Variants in DLGAP2 observed in about 807,000 individuals in gnomAD.
The protein encoded by DLGAP2 is disks large-associated protein 2.
A neutral mutation model predicts 100.3 loss-of-function variants in DLGAP2; 26 were observed. That is an observed-to-expected ratio of 0.26 (90% CI 0.19 to 0.36). The LOEUF (loss-of-function observed/expected upper bound fraction) is 0.36, where lower values mean the gene tolerates loss of function less well. DLGAP2 is among the 10% of genes least tolerant of loss of function. The probability of loss-of-function intolerance (pLI) is 1.00; values close to 1 mark genes in which losing one functional copy is unlikely to be tolerated. For missense variants in DLGAP2, 1,858 were observed against 1,453.2 expected, an observed-to-expected ratio of 1.28 and a Z score of -4.53; for synonymous variants, 886 against 630.1, an observed-to-expected ratio of 1.41 and a Z score of -6.08.
chr8:1,430,011 T>TATAC (rs1554467362), intron 3 of DLGAP2, among the ~76,000 whole-genome samples: 2 of 63,964 alleles, frequency 3.1e-5, no homozygotes, highest in African/African-American at 1.1e-4. Flanking sequence ...TATATACATA[T>TATAC]ATATATATAT....
At chr8:1,167,635 A>T (rs541626581) in intron 2 of DLGAP2, among the ~76,000 whole-genome samples, 1 of 152,302 alleles carries the variant, frequency 6.6e-6, no homozygotes, top group Admixed American at 6.5e-5. Context: ...CCTTGTTTTA[A>T]TGTTTGTGAA....
chr8:1,614,271 C>T (rs534121818), intron 6 of DLGAP2, among the ~76,000 whole-genome samples: 1 of 152,344 alleles, frequency 6.6e-6, no homozygotes, highest in South Asian at 2.1e-4. Flanking sequence ...TGAGCATTTG[C>T]AGTCAGGCAA....
chr8:913,510 C>A (rs1798531333), intron 2 of DLGAP2, among the ~76,000 whole-genome samples: 1 of 152,188 alleles, frequency 6.6e-6, no homozygotes. Context: ...TGTCACACCT[C>A]TGTGGCATAG....
intron 12 of DLGAP2, among the ~76,000 whole-genome samples, chr8:1,683,954 G>GTGTATATATATATATATATATA (rs1450063590): frequency 2.7e-5 from 2 of 74,752 alleles, no homozygotes; most frequent in Admixed American, 3.5e-4. Flanking sequence ...ATATATGTGT[G>GTGTATATATATATATATATATA]TATATATATA....
At chr8:1,454,769 G>C (rs1301739478) in intron 3 of DLGAP2, among the ~76,000 whole-genome samples, 2 of 152,190 alleles carry the variant, frequency 1.3e-5, no homozygotes, top group African/African-American at 4.8e-5. Context: ...GAACAGGCAG[G>C]TAGAAAAGGA....
At chr8:1,197,874 C>A (rs36078781) in intron 2 of DLGAP2, among the ~76,000 whole-genome samples, 16,510 of 152,216 alleles carry the variant, frequency 0.11, 998 homozygotes, top group Admixed American at 0.18. Context: ...TCTCCTGGGC[C>A]CCCTGCAGTG....
intron 2 of DLGAP2, among the ~76,000 whole-genome samples, chr8:946,309 G>C (rs1799319273): frequency 1.3e-5 from 2 of 151,188 alleles, no homozygotes; most frequent in Admixed American, 1.3e-4. Flanking sequence ...TGTCATCCAG[G>C]CTGGAGTGCA....
At chr8:1,579,806 A>G (rs554732910) in intron 6 of DLGAP2, among the ~76,000 whole-genome samples, 1 of 152,204 alleles carries the variant, frequency 6.6e-6, no homozygotes, top group African/African-American at 2.4e-5. Context: ...GACACGGTAC[A>G]TTGCCTAAGT....
intron 2 of DLGAP2, among the ~76,000 whole-genome samples, chr8:965,681 A>G (rs540890975): frequency 7.6e-6 from 1 of 131,968 alleles, no homozygotes; most frequent in Non-Finnish European, 1.6e-5. Context: ...TGCACACGGC[A>G]CTGTTCACCT....
intron 3 of DLGAP2, among the ~76,000 whole-genome samples, chr8:1,416,987 G>C (rs1796904981): frequency 6.6e-6 from 1 of 151,824 alleles, no homozygotes; most frequent in South Asian, 2.1e-4. Flanking sequence ...TTGAGACTCA[G>C]AGTCCAGGGC....
chr8:1,093,129 G>T (rs1217219021), intron 2 of DLGAP2, among the ~76,000 whole-genome samples: 1 of 152,198 alleles, frequency 6.6e-6, no homozygotes, highest in Non-Finnish European at 1.5e-5. Context: ...ACAGCCTCCA[G>T]CAGACTGGGT....
chr8:908,962 G>A (rs532890509), intron 2 of DLGAP2, among the ~76,000 whole-genome samples: 38 of 150,588 alleles, frequency 2.5e-4, no homozygotes, highest in Admixed American at 1.7e-3. Context: ...TCACCACTAA[G>A]AATGATGGTA....
Position 1,636,979 on chromosome 8 carries a change from C to T in DLGAP2, c.1810+3933C>T, listed in dbSNP as rs556702901. 2.0e-5 allele frequency among the ~76,000 whole-genome samples: 3 copies of T among 152,326 alleles called. No homozygotes were observed. The South Asian group carries it at 6.2e-4, about 32-fold the overall frequency. On this transcript the variant is annotated intron_variant, in intron 8 of 14. Coordinates refer to ENST00000637795, the MANE Select transcript of DLGAP2 (RefSeq NM_001346810.2). ...GACACACAGGCACCACTTGGTAAAC[C>T]CGGCCGATGGCTGCCGAGTGCGCAG...
intron 3 of DLGAP2, among the ~76,000 whole-genome samples, chr8:1,392,105 G>A (rs757392768): frequency 1.8e-4 from 27 of 152,352 alleles, no homozygotes; most frequent in Non-Finnish European, 3.1e-4. Flanking sequence ...ATGAAGAACT[G>A]TTTGAATTGC....
chr8:1,306,672 TG>T (rs1298475455), intron 3 of DLGAP2, among the ~76,000 whole-genome samples: 1 of 80,828 alleles, frequency 1.2e-5, no homozygotes, highest in Non-Finnish European at 2.3e-5. Context: ...CAAAATAGTG[TG>T]GTTAAGTGCT....
intron 3 of DLGAP2, among the ~76,000 whole-genome samples, chr8:1,471,977 A>T (rs1798813930): frequency 6.6e-6 from 1 of 152,240 alleles, no homozygotes; most frequent in Non-Finnish European, 1.5e-5. Flanking sequence ...CCTTCATTAA[A>T]TAAACTTGTA....
chr8:1,505,862 G>T (rs1361466646), intron 4 of DLGAP2, among the ~76,000 whole-genome samples: 4 of 152,074 alleles, frequency 2.6e-5, no homozygotes, highest in African/African-American at 7.2e-5. Flanking sequence ...TAAAGAGTTG[G>T]TGATTTATTT....
chr8:1,531,900 C>T (rs768742417), intron 4 of DLGAP2, among the ~76,000 whole-genome samples: 2 of 152,172 alleles, frequency 1.3e-5, no homozygotes, highest in Admixed American at 6.5e-5. Context: ...ACCCGTGACA[C>T]AGCCTCAAGA....
intron 2 of DLGAP2, among the ~76,000 whole-genome samples, chr8:1,178,145 C>G (rs1442676176): frequency 6.6e-6 from 1 of 152,138 alleles, no homozygotes; most frequent in Non-Finnish European, 1.5e-5. Flanking sequence ...ACTAGGGACC[C>G]CCGGAGGACT....
Sources: allele counts gnomAD v4.1 joint callset (sites outside exome capture counted in the v4.1 genomes callset), GRCh38; gene constraint gnomAD v4.1.1; transcripts MANE v1.5; gene names NCBI Gene and HGNC (gene_info 2026-07-23, HGNC 2026-07-21).